The following ODAD1 variants were observed in gnomAD, a reference collection of about 807,000 sequenced individuals.
ODAD1 encodes the protein outer dynein arm-docking complex subunit 1.
In ODAD1, 49 loss-of-function variants were observed where a neutral mutation model predicts 67.2. That is an observed-to-expected ratio of 0.73 (90% CI 0.58 to 0.92). The LOEUF (loss-of-function observed/expected upper bound fraction) is 0.92, where lower values mean the gene tolerates loss of function less well. ODAD1 is among the 40% of genes least tolerant of loss of function. ODAD1 has a pLI of 0.00. For synonymous variants in ODAD1, 345 were observed against 393.7 expected (o/e 0.88, Z 1.46); for missense variants, 897 against 953.7 (o/e 0.94, Z 0.78).
intron 14 of ODAD1, 59 bp from the exon 15 acceptor site, chr19:48,297,727 G>T: frequency 2.3e-6 from 3 of 1,322,454 alleles, no homozygotes; most frequent in Non-Finnish European, 2.0e-6. Flanking sequence ...AAGGCCAGCG[G>T]CCCTTCCTGC....
At position 48,297,255 on chromosome 19, in the gene ODAD1, G is replaced by C; in HGVS notation, c.1845C>G (p.His615Gln). ...STGHLPSHIT[H>Q]GDPNTGHVTF... ...TCACGTGGCCAGTGTTGGGGTCACC[G>C]TGCGTGATGTGGCTGGGCAAATGCC... Residue 615 changes from histidine (H) to glutamine (Q), a missense_variant, in exon 16 of 16, where the codon CAC (histidine) becomes CAG (glutamine). Transcript: ENST00000674294. 1 of 1,614,086 alleles carries C rather than the reference G, an allele frequency of 6.2e-7. No individual in the cohort carries two copies. Among genetic ancestry groups the C allele is most frequent in the Non-Finnish European group, 8.5e-7 (1 of 1,180,004 alleles).
At chr19:48,305,445 C>T (rs948892519) in intron 8 of ODAD1, among the ~76,000 whole-genome samples, 1 of 151,096 alleles carries the variant, frequency 6.6e-6, no homozygotes, top group Non-Finnish European at 1.5e-5. Flanking sequence ...CACTCTGTTG[C>T]CCAGGCTGGA....
At chr19:48,298,379 G>T in intron 12 of ODAD1, 39 bp from the exon 13 acceptor site, 1 of 1,601,202 alleles carries the variant, frequency 6.2e-7, no homozygotes, top group Non-Finnish European at 8.5e-7. Flanking sequence ...ATCTGGCACC[G>T]CCAGCTGGGT....
chr19:48,303,100 G>A lies in ODAD1; in HGVS notation c.989-5C>T. On this transcript the variant is annotated splice_region_variant and splice_polypyrimidine_tract_variant and intron_variant, in intron 10 of 15. Coordinates refer to ENST00000674294, the MANE Select transcript of ODAD1 (RefSeq NM_001364171.2). ...CAGCAAAGTTGCGCTCCTCGACTGG[G>A]AGAGTTGGGCAAGGCGGGGCCCAGA... 2 of 1,612,048 alleles carry A rather than the reference G, an allele frequency of 1.2e-6. No individual in the cohort carries two copies. Among genetic ancestry groups the A allele is most frequent in the Non-Finnish European group, 1.7e-6 (2 of 1,178,196 alleles).
intron 12 of ODAD1, among the ~76,000 whole-genome samples, chr19:48,299,866 AG>A (rs1968412729): frequency 6.6e-6 from 1 of 150,870 alleles, no homozygotes. Context: ...TACCCACAGA[AG>A]GGATTAAAAA....
chr19:48,302,411 G>C (rs1968489890), intron 12 of ODAD1, among the ~76,000 whole-genome samples: 1 of 150,026 alleles, frequency 6.7e-6, no homozygotes, highest in African/African-American at 2.5e-5. Flanking sequence ...TGGATGGATG[G>C]ATATGGGACA....
rs777461665 is a variant in ODAD1, at chr19:48,318,449, G to A, written c.298C>T (p.Arg100Trp). The change falls in exon 5 of 16, where the codon CGG becomes TGG. Residue 100 changes from arginine (R) to tryptophan (W), a missense_variant. Arg to Trp is a moderately radical substitution (Grantham distance 101, BLOSUM62 -3). Transcript: ENST00000674294. ...TCGATCTCCGCCTGCACCTGGGCCC[G>A]GCCCTTCAGCAGGCGGTCCATGTTC... ...LENMDRLLKG[R>W]AQVQAEIEEL... 2.1e-5 allele frequency: 32 copies of A among 1,551,508 alleles called. No homozygotes were observed. Among genetic ancestry groups the A allele is most frequent in the African/African-American group, 1.5e-4 (11 of 73,028 alleles).
At position 48,318,729 on chromosome 19, in the gene ODAD1, G is replaced by A. The variant is rs754968402; in HGVS notation, c.154C>T (p.Arg52Cys). The change falls in exon 4 of 16, where the codon CGC becomes TGC. Residue 52 changes from arginine (R) to cysteine (C), a missense_variant. Transcript: ENST00000674294. Reference sequence around the variant, plus strand: ...CCAGCTCACAGTTGCTTGTTGATGCGCTGGTGGACTTCCTTGCTGTAGGCC... The same window carrying A: ...CCAGCTCACAGTTGCTTGTTGATGCACTGGTGGACTTCCTTGCTGTAGGCC... ...RRAYSKEVHQRINKQLEEIRR... is the reference protein window; with the variant it reads ...RRAYSKEVHQCINKQLEEIRR... 3.3e-5 allele frequency: 51 copies of A among 1,550,306 alleles called. No individual in the cohort carries two copies. Among genetic ancestry groups the A allele is most frequent in the South Asian group, 1.2e-4 (10 of 84,012 alleles).
intron 2 of ODAD1, 39 bp from the exon 3 acceptor site, chr19:48,320,430 C>A (rs1437856986): frequency 8.6e-7 from 1 of 1,166,400 alleles, no homozygotes; most frequent in East Asian, 6.2e-5. Flanking sequence ...AGACAGCAGG[C>A]GGGCCAGGGC....
chr19:48,298,321 G>C lies in ODAD1; in HGVS notation c.1260C>G (p.Thr420=), dbSNP rs1968365123. The C allele has an allele frequency of 9.3e-6, 15 of 1,614,022 alleles. No homozygotes were observed. The highest frequency in any genetic ancestry group is 1.0e-5 in the Non-Finnish European group (12 of 1,180,018). The change falls in exon 13 of 16, where the codon ACC becomes ACG. Residue 420 remains threonine (T), a synonymous_variant. Coordinates refer to ENST00000674294, the MANE Select transcript of ODAD1 (RefSeq NM_001364171.2). ...TCATGCTGCTGTCGCAATGGGCCTT[G>C]GTGAAGAGGAGCTGGATATCTGCGT... ...KLKADIQLLF[T]KAHCDSSMID... is the part of the protein sequence containing the mutation.
intron 2 of ODAD1, 54 bp downstream of exon 2, chr19:48,320,717 TG>T (rs1391523603): frequency 4.0e-5 from 7 of 174,026 alleles, no homozygotes; most frequent in Non-Finnish European, 7.6e-5. Context: ...CCTGCTGTAG[TG>T]GGGGTTGGGC....
chr19:48,312,212 T>C, intron 5 of ODAD1, 96 bp from the exon 6 acceptor site: 2 of 869,706 alleles, frequency 2.3e-6, no homozygotes, highest in South Asian at 1.6e-5. Context: ...GGCAAACATC[T>C]GCTGTCCCTG....
Position 48,321,683 on chromosome 19 carries a change from G to T in ODAD1, c.-69C>A, listed in dbSNP as rs999083803. The T allele has an allele frequency of 2.5e-6, 1 of 393,214 alleles. No homozygotes were observed. The highest frequency in any genetic ancestry group is 4.5e-6 in the Non-Finnish European group (1 of 222,682). 24.4% of individuals were successfully genotyped at this position (393,214 alleles called of 1,614,324 possible). ...GGCTGAGGTCTCACTAGTACCGCGG[G>T]CCTGGAAGCGGCGGGAGTTGAAAGA... On this transcript the variant is annotated 5_prime_UTR_variant, in exon 1 of 16. Coordinates refer to ENST00000674294, the MANE Select transcript of ODAD1 (RefSeq NM_001364171.2).
chr19:48,300,689 TA>T (rs141419219), intron 12 of ODAD1, among the ~76,000 whole-genome samples: 1 of 152,046 alleles, frequency 6.6e-6, no homozygotes, highest in Non-Finnish European at 1.5e-5. Flanking sequence ...ACCCAATTTT[TA>T]AAAAAACAAG....
chr19:48,316,035 G>A (rs533387170), intron 5 of ODAD1, among the ~76,000 whole-genome samples: 2 of 152,220 alleles, frequency 1.3e-5, no homozygotes, highest in East Asian at 1.9e-4. Context: ...AAACATCTAG[G>A]AGTGGAATGT....
intron 7 of ODAD1, among the ~76,000 whole-genome samples, chr19:48,310,222 GAA>G (rs1193100261): frequency 6.6e-6 from 1 of 151,854 alleles, no homozygotes; most frequent in East Asian, 1.9e-4. Flanking sequence ...CAACAAGAGT[GAA>G]ACTTAGTATC....
At chr19:48,297,940 G>T in intron 14 of ODAD1, 60 bp downstream of exon 14, 2 of 1,360,136 alleles carry the variant, frequency 1.5e-6, no homozygotes, top group Non-Finnish European at 2.1e-6. Context: ...TATCCTGTGT[G>T]TTCCCTCTGC....
Position 48,321,713 on chromosome 19 carries a change from G to A in ODAD1, c.-99C>T, listed in dbSNP as rs1969033521. 1.0e-5 allele frequency: 4 copies of A among 397,264 alleles called. No individual in the cohort carries two copies. In the East Asian group the frequency reaches 1.4e-4, roughly 14 times the overall value. 24.6% of individuals were successfully genotyped at this position (397,264 alleles called of 1,614,324 possible). Reference sequence around the variant, plus strand: ...GAAGCGGCGGGAGTTGAAAGAGCCTGCGGTGACCTGTATGGAAGCCCTCGA... The same window carrying A: ...GAAGCGGCGGGAGTTGAAAGAGCCTACGGTGACCTGTATGGAAGCCCTCGA... On this transcript the variant is annotated 5_prime_UTR_variant, in exon 1 of 16. Coordinates refer to ENST00000674294, the MANE Select transcript of ODAD1 (RefSeq NM_001364171.2).
intron 6 of ODAD1, 63 bp from the exon 7 acceptor site, chr19:48,311,729 C>T: frequency 9.8e-7 from 1 of 1,025,098 alleles, no homozygotes; most frequent in Non-Finnish European, 1.5e-6. Flanking sequence ...CTCCTCCAAG[C>T]TCAGCCAAGG....
Sources: allele counts gnomAD v4.1 joint callset (sites outside exome capture counted in the v4.1 genomes callset), GRCh38; gene constraint gnomAD v4.1.1; transcripts MANE v1.5; gene names NCBI Gene and HGNC (gene_info 2026-07-23, HGNC 2026-07-21).